Variants in CNTLN observed in about 807,000 individuals in gnomAD.
CNTLN encodes centlein, centrosomal protein.
In CNTLN, 212 loss-of-function variants were observed where a neutral mutation model predicts 180.0. The ratio of observed to expected loss-of-function variants is 1.18; its 90% CI spans 1.05 to 1.32. CNTLN has a LOEUF of 1.32. Ranked by LOEUF, CNTLN falls within the 40% of genes most tolerant of loss-of-function variation. The pLI is 0.00. For missense variants in CNTLN, 2,095 were observed against 1,610.9 expected (o/e 1.30, Z -5.14); for synonymous variants, 722 against 563.1 (o/e 1.28, Z -3.99).
chr9:17,445,646 A>G (rs959046448), intron 18 of CNTLN, among the ~76,000 whole-genome samples: 18 of 152,196 alleles, frequency 1.2e-4, no homozygotes, highest in Non-Finnish European at 2.5e-4. Flanking sequence ...CCAGGGACAC[A>G]AAAACTGCGG....
At chr9:17,386,915 T>C (rs1825726967) in intron 13 of CNTLN, among the ~76,000 whole-genome samples, 1 of 152,228 alleles carries the variant, frequency 6.6e-6, no homozygotes, top group Non-Finnish European at 1.5e-5. Context: ...TGCTGAAAGA[T>C]TGCTGTAAAT....
intron 5 of CNTLN, among the ~76,000 whole-genome samples, chr9:17,257,453 T>C (rs1826592548): frequency 6.6e-6 from 1 of 152,058 alleles, no homozygotes; most frequent in South Asian, 2.1e-4. Context: ...GCATGTGTCT[T>C]TATAGCAGCA....
chr9:17,359,189 T>G (rs1823096324), intron 12 of CNTLN, among the ~76,000 whole-genome samples: 1 of 152,020 alleles, frequency 6.6e-6, no homozygotes, highest in Non-Finnish European at 1.5e-5. Context: ...TGGCTAATTT[T>G]TTGTACTTTT....
At chr9:17,491,376 AC>A (rs1341111253) in intron 25 of CNTLN, among the ~76,000 whole-genome samples, 3 of 152,154 alleles carry the variant, frequency 2.0e-5, no homozygotes, top group African/African-American at 7.2e-5. Flanking sequence ...AAATGTATAA[AC>A]TATGAAATTT....
At chr9:17,371,239 C>T (rs2133485231) in intron 13 of CNTLN, among the ~76,000 whole-genome samples, 1 of 152,178 alleles carries the variant, frequency 6.6e-6, no homozygotes, top group Non-Finnish European at 1.5e-5. Flanking sequence ...AACGCTTCAT[C>T]TATAAAGAAA....
chr9:17,333,664 A>G (rs567434715), intron 10 of CNTLN, among the ~76,000 whole-genome samples: 28 of 152,194 alleles, frequency 1.8e-4, no homozygotes, highest in Non-Finnish European at 4.0e-4. Flanking sequence ...TTAAGTTTAA[A>G]CATTAAGTTT....
intron 5 of CNTLN, among the ~76,000 whole-genome samples, chr9:17,248,961 T>C (rs1346469166): frequency 6.6e-6 from 1 of 152,108 alleles, no homozygotes; most frequent in Non-Finnish European, 1.5e-5. Flanking sequence ...TCCTTTTTTT[T>C]CTTTAGTAAT....
At chr9:17,293,377 C>T (rs887023155) in intron 6 of CNTLN, among the ~76,000 whole-genome samples, 3 of 152,302 alleles carry the variant, frequency 2.0e-5, no homozygotes, top group African/African-American at 7.2e-5. Flanking sequence ...GGGGGAAAGT[C>T]TAAGTCTGCT....
Position 17,135,302 on chromosome 9 carries a change from C to T in CNTLN, c.237C>T (p.Leu79=), listed in dbSNP as rs2131376509. The part of the protein sequence containing the change: ...PGGAAPAHAP[L]LSAPMGSRRL... ...GGGCAGCTCCGGCTCATGCTCCCCTCCTCAGCGCGCCCATGGGGTCCAGAC... is the reference window on the plus strand; with the variant it reads ...GGGCAGCTCCGGCTCATGCTCCCCTTCTCAGCGCGCCCATGGGGTCCAGAC... The change falls in exon 1 of 26, where the codon CTC becomes CTT. Residue 79 remains leucine (L), a synonymous_variant. Coordinates refer to ENST00000380647, the MANE Select transcript of CNTLN (RefSeq NM_017738.4). The T allele has an allele frequency of 1.9e-6, 3 of 1,601,064 alleles. No individual in the cohort carries two copies. The East Asian group carries it at 6.8e-5, about 36-fold the overall frequency.
intron 2 of CNTLN, among the ~76,000 whole-genome samples, chr9:17,155,683 A>G (rs543114873): frequency 6.6e-6 from 1 of 152,160 alleles, no homozygotes; most frequent in African/African-American, 2.4e-5. Context: ...AAGCCAGTAG[A>G]TCTTGGTTTC....
At chr9:17,225,960 A>C (rs1824439165) in intron 2 of CNTLN, among the ~76,000 whole-genome samples, 1 of 152,020 alleles carries the variant, frequency 6.6e-6, no homozygotes, top group East Asian at 1.9e-4. Flanking sequence ...TGGTTATTGC[A>C]ATCAAGGTTA....
chr9:17,378,528 GTTA>G (rs1824969139), intron 13 of CNTLN, among the ~76,000 whole-genome samples: 1 of 151,926 alleles, frequency 6.6e-6, no homozygotes. Flanking sequence ...AATGTTCTTT[GTTA>G]TTGTTGTTGT....
chr9:17,478,634 T>C (rs1832481114), intron 23 of CNTLN, among the ~76,000 whole-genome samples: 1 of 152,118 alleles, frequency 6.6e-6, no homozygotes, highest in Non-Finnish European at 1.5e-5. Flanking sequence ...GTCTGATACT[T>C]AAGTCTTTTA....
intron 24 of CNTLN, among the ~76,000 whole-genome samples, chr9:17,485,973 G>C (rs1832870589): frequency 6.6e-6 from 1 of 152,152 alleles, no homozygotes; most frequent in African/African-American, 2.4e-5. Flanking sequence ...CTCTGGGCAG[G>C]TGGAATCTGA....
chr9:17,218,149 A>G (rs1313568524), intron 2 of CNTLN, among the ~76,000 whole-genome samples: 1 of 152,146 alleles, frequency 6.6e-6, no homozygotes, highest in Non-Finnish European at 1.5e-5. Flanking sequence ...TTCAAATATA[A>G]TTTTAAACAT....
At chr9:17,290,032 C>T (rs1473093100) in intron 6 of CNTLN, among the ~76,000 whole-genome samples, 5 of 152,168 alleles carry the variant, frequency 3.3e-5, no homozygotes, top group Admixed American at 6.5e-5. Context: ...CTCCATCCAG[C>T]TTTTTTCCGT....
intron 15 of CNTLN, among the ~76,000 whole-genome samples, chr9:17,398,759 T>C (rs910461362): frequency 2.0e-5 from 3 of 152,186 alleles, no homozygotes; most frequent in Admixed American, 1.3e-4. Flanking sequence ...TAAGAATTTA[T>C]TGAGGAGATT....
chr9:17,254,648 T>C (rs1231401895), intron 5 of CNTLN, among the ~76,000 whole-genome samples: 1 of 151,610 alleles, frequency 6.6e-6, no homozygotes, highest in East Asian at 1.9e-4. Flanking sequence ...TTTTCATTGG[T>C]CTGTATATCT....
intron 8 of CNTLN, among the ~76,000 whole-genome samples, chr9:17,323,072 T>G (rs1204457498): frequency 6.6e-6 from 1 of 152,198 alleles, no homozygotes; most frequent in African/African-American, 2.4e-5. Flanking sequence ...GTGCTCTGTG[T>G]TGTTCATTAA....
Sources: allele counts gnomAD v4.1 joint callset (sites outside exome capture counted in the v4.1 genomes callset), GRCh38; gene constraint gnomAD v4.1.1; transcripts MANE v1.5; gene names NCBI Gene and HGNC (gene_info 2026-07-23, HGNC 2026-07-21).